The following ATRNL1 variants were observed in gnomAD, a reference collection of about 807,000 sequenced individuals.
ATRNL1 encodes attractin-like protein 1.
Under a neutral mutation model 182.7 loss-of-function variants are expected in ATRNL1, and 95 were observed. The observed-to-expected ratio is 0.52, with a 90% CI of 0.44 to 0.62. The LOEUF is 0.62. ATRNL1 is among the 20% of genes least tolerant of loss of function. The pLI is 0.00. For missense variants in ATRNL1, 1,471 were observed against 1,679.5 expected (o/e 0.88, Z 2.17); for synonymous variants, 576 against 568.3 (o/e 1.01, Z -0.19).
chr10:115,538,749 C>G (rs6585339), intron 25 of ATRNL1, among the ~76,000 whole-genome samples: 1 of 152,038 alleles, frequency 6.6e-6, no homozygotes, highest in South Asian at 2.1e-4. Context: ...ATGCTTTTGA[C>G]GTCATATCCA....
intron 27 of ATRNL1, among the ~76,000 whole-genome samples, chr10:115,758,254 G>A (rs527550220): frequency 6.6e-6 from 1 of 152,104 alleles, no homozygotes; most frequent in African/African-American, 2.4e-5. Flanking sequence ...TTGGTTTTTG[G>A]AATTTTCAGC....
Position 115,412,427 on chromosome 10 carries a change from C to T in ATRNL1, c.3270-13823C>T, listed in dbSNP as rs74158310. ...ATTGCAGTCTGCTGTGACTCTGAAT[C>T]AGAGAACCTGGTTATGCCATGCTCA... On this transcript the variant is annotated intron_variant, in intron 20 of 28. Transcript: ENST00000355044. Among the ~76,000 whole-genome samples, 497 of 152,282 alleles carry T rather than the reference C, an allele frequency of 3.3e-3. 1 individual carries two copies. The highest frequency in any genetic ancestry group is 0.012 in the African/African-American group (479 of 41,546).
intron 26 of ATRNL1, among the ~76,000 whole-genome samples, chr10:115,559,452 GCACGCACGCACATGCGCAACCCTTC>G (rs1487906839): frequency 7.8e-6 from 1 of 127,452 alleles, no homozygotes; most frequent in Non-Finnish European, 1.8e-5. Flanking sequence ...GTGCGCGCGC[GCACGCACGCACATGCGCAACCCTTC>G]TTACGTTTTG....
intron 20 of ATRNL1, among the ~76,000 whole-genome samples, chr10:115,402,810 C>A (rs1043300351): frequency 6.6e-6 from 1 of 152,268 alleles, no homozygotes; most frequent in Admixed American, 6.5e-5. Context: ...CTTACAACTT[C>A]TTCATAGCTA....
chr10:115,612,039 T>G (rs1235698061), intron 26 of ATRNL1, among the ~76,000 whole-genome samples: 2 of 152,062 alleles, frequency 1.3e-5, no homozygotes, highest in East Asian at 1.9e-4. Context: ...TCACCTGAGG[T>G]TAGGAGTTCG....
chr10:115,552,388 T>A (rs1853043591), intron 26 of ATRNL1, among the ~76,000 whole-genome samples: 1 of 151,382 alleles, frequency 6.6e-6, no homozygotes, highest in South Asian at 2.1e-4. Context: ...AATCAATTAT[T>A]GTAAAGCTCA....
intron 25 of ATRNL1, among the ~76,000 whole-genome samples, chr10:115,527,357 G>A (rs1256855231): frequency 6.6e-6 from 1 of 152,106 alleles, no homozygotes; most frequent in African/African-American, 2.4e-5. Flanking sequence ...CTGAGCTCAA[G>A]TGATCCGCTC....
intron 26 of ATRNL1, among the ~76,000 whole-genome samples, chr10:115,556,521 C>A (rs1276428078): frequency 1.3e-5 from 2 of 152,036 alleles, no homozygotes; most frequent in Non-Finnish European, 2.9e-5. Context: ...ATCTGGCCAG[C>A]AGTGATTATA....
At chr10:115,755,813 T>C (rs1948574159) in intron 27 of ATRNL1, among the ~76,000 whole-genome samples, 7 of 152,160 alleles carry the variant, frequency 4.6e-5, no homozygotes, top group Admixed American at 3.9e-4. Flanking sequence ...CGTTTTTTGG[T>C]TGGTAGGCTA....
intron 8 of ATRNL1, among the ~76,000 whole-genome samples, chr10:115,190,411 G>A (rs560833085): frequency 1.3e-5 from 2 of 152,146 alleles, no homozygotes; most frequent in Non-Finnish European, 2.9e-5. Context: ...TTCATATTCA[G>A]AAAATTCTTA....
intron 26 of ATRNL1, among the ~76,000 whole-genome samples, chr10:115,643,672 C>T (rs1198655377): frequency 6.6e-6 from 1 of 151,918 alleles, no homozygotes; most frequent in Non-Finnish European, 1.5e-5. Flanking sequence ...TATGGATGAC[C>T]AATAAGAATA....
At chr10:115,166,649 T>C (rs1554884421) in intron 7 of ATRNL1, among the ~76,000 whole-genome samples, 1 of 152,078 alleles carries the variant, frequency 6.6e-6, no homozygotes, top group Non-Finnish European at 1.5e-5. Flanking sequence ...TCTCTAATGA[T>C]TAATGATGTT....
intron 1 of ATRNL1, among the ~76,000 whole-genome samples, chr10:115,111,783 A>G (rs1257263833): frequency 6.6e-6 from 1 of 152,208 alleles, no homozygotes; most frequent in East Asian, 1.9e-4. Flanking sequence ...AGTCAGATAG[A>G]TAATGGTTAA....
At chr10:115,171,908 T>C (rs1422443683) in intron 8 of ATRNL1, among the ~76,000 whole-genome samples, 2 of 152,096 alleles carry the variant, frequency 1.3e-5, no homozygotes, top group Admixed American at 1.3e-4. Context: ...ACCTTCTTTA[T>C]TGTTTTTAGT....
chr10:115,123,911 C>T (rs1292109752), intron 3 of ATRNL1, among the ~76,000 whole-genome samples: 1 of 151,572 alleles, frequency 6.6e-6, no homozygotes, highest in Non-Finnish European at 1.5e-5. Flanking sequence ...GTTCTAATGC[C>T]TGATGGTCTG....
At chr10:115,208,073 C>T (rs190436594) in intron 8 of ATRNL1, among the ~76,000 whole-genome samples, 15 of 152,042 alleles carry the variant, frequency 9.9e-5, no homozygotes, top group Admixed American at 3.3e-4. Flanking sequence ...TATAAGTTCA[C>T]TGTTCTTCTG....
chr10:115,134,382 A>G (rs1554876081), intron 5 of ATRNL1, among the ~76,000 whole-genome samples: 1 of 152,216 alleles, frequency 6.6e-6, no homozygotes, highest in Non-Finnish European at 1.5e-5. Context: ...AGAGATACAA[A>G]CAACCATCAG....
intron 17 of ATRNL1, among the ~76,000 whole-genome samples, chr10:115,305,450 G>A (rs1289420365): frequency 2.0e-5 from 3 of 152,136 alleles, no homozygotes; most frequent in African/African-American, 4.8e-5. Context: ...TTGTGGTAAG[G>A]AATGGGGGTG....
At chr10:115,573,829 T>C (rs1446350669) in intron 26 of ATRNL1, among the ~76,000 whole-genome samples, 3 of 152,126 alleles carry the variant, frequency 2.0e-5, no homozygotes, top group Non-Finnish European at 4.4e-5. Context: ...TAAAAGTCAG[T>C]ATGGGCACAG....
Sources: allele counts gnomAD v4.1 joint callset (sites outside exome capture counted in the v4.1 genomes callset), GRCh38; gene constraint gnomAD v4.1.1; transcripts MANE v1.5; gene names NCBI Gene and HGNC (gene_info 2026-07-23, HGNC 2026-07-21).